COL16A1: variants seen among roughly 807,000 people sequenced by gnomAD.
COL16A1 encodes collagen type XVI alpha 1 chain, also known as collagen alpha-1(XVI) chain.
A neutral mutation model predicts 266.3 loss-of-function variants in COL16A1; 189 were observed. The ratio of observed to expected loss-of-function variants is 0.71; its 90% CI spans 0.63 to 0.80. The LOEUF (loss-of-function observed/expected upper bound fraction) is 0.80, where lower values mean the gene tolerates loss of function less well. COL16A1 is among the 30% of genes least tolerant of loss of function. COL16A1 has a pLI of 0.00. For missense variants in COL16A1, 1,928 were observed against 2,122.4 expected (o/e 0.91, Z 1.80); for synonymous variants, 740 against 782.3 (o/e 0.95, Z 0.90).
At position 31,681,692 on chromosome 1, in the gene COL16A1, CT is replaced by C. The variant is rs531131710; in HGVS notation, c.2539-626del. On this transcript the variant is annotated intron_variant, in intron 37 of 70. Coordinates refer to ENST00000373672, the MANE Select transcript of COL16A1 (RefSeq NM_001856.4). ...AGCAGTTTGGGCAACGGCATGGAGT[CT>C]GCTCAGGCCAGGAGAAGCCAGCCTG... 3.8e-4 allele frequency among the ~76,000 whole-genome samples: 58 copies of C among 152,378 alleles called. No individual in the cohort carries two copies. The East Asian group carries it at 0.01, about 27-fold the overall frequency.
At chr1:31,694,288 A>G (rs1644402052) in intron 11 of COL16A1, 118 bp from the exon 12 acceptor site, 2 of 746,226 alleles carry the variant, frequency 2.7e-6, no homozygotes, top group South Asian at 2.3e-5. Context: ...AGCAGCCTGT[A>G]TCCCAGCCCC....
chr1:31,685,519 A>T lies in COL16A1; in HGVS notation c.2016+120T>A. ...TGGAGACAGAGGCTCTGACCCCGCC[A>T]CACCCTCCCCACTACCCCCAACTGC... On this transcript the variant is annotated intron_variant, in intron 29 of 70. Coordinates refer to ENST00000373672, the MANE Select transcript of COL16A1 (RefSeq NM_001856.4). This position sits in a 1 kb window ranked among gnomAD's most constrained non-coding sequence, Gnocchi z 4.0. 1 of 775,408 alleles carries T rather than the reference A, an allele frequency of 1.3e-6. No individual in the cohort carries two copies. The highest frequency in any genetic ancestry group is 2.0e-6 in the Non-Finnish European group (1 of 493,216). The allele number at this position is 775,408 out of a possible 1,614,324, so 48.0% of individuals were successfully genotyped here.
At position 31,657,136 on chromosome 1, in the gene COL16A1, G is replaced by T; in HGVS notation, c.4021-68C>A. 1.9e-6 allele frequency: 3 copies of T among 1,594,084 alleles called. No individual in the cohort carries two copies. The highest frequency in any genetic ancestry group is 1.3e-5 in the African/African-American group (1 of 74,570). Reference sequence around the variant, plus strand: ...AGTTTGGTGTCAGATGCCTCACTTTGTACATGGGGCAAGCCCAGCCCCCTG... The same window carrying T: ...AGTTTGGTGTCAGATGCCTCACTTTTTACATGGGGCAAGCCCAGCCCCCTG... On this transcript the variant is annotated intron_variant, in intron 64 of 70. Coordinates refer to ENST00000373672, the MANE Select transcript of COL16A1 (RefSeq NM_001856.4). The surrounding 1 kb of genome is among the most constrained non-coding windows in gnomAD (Gnocchi z 6.4).
rs1248393769 is a variant in COL16A1, at chr1:31,681,066, C to T, written c.2540G>A (p.Gly847Asp). ...PPGASVSGPP[G>D]RDGQQGQTGL... ...CGTCTGTCCTTGCTGCCCATCACGG[C>T]CCTGAAGAGAGAGAGCCCAGAGTCA... The change falls in exon 38 of 71, where the codon GGC (glycine) becomes GAC (aspartate). Residue 847 changes from glycine to aspartate, a missense_variant and splice_region_variant. Coordinates refer to ENST00000373672, the MANE Select transcript of COL16A1 (RefSeq NM_001856.4). 1 of 1,612,004 alleles carries T rather than the reference C, an allele frequency of 6.2e-7. No individual in the cohort carries two copies.
At position 31,694,133 on chromosome 1, in the gene COL16A1, T is replaced by C. The variant is rs1031167425; in HGVS notation, c.1008+11A>G. ...GAGGACGGGAATGTCCCGTTCTCCA[T>C]TAGGACTCACCTTGGGGCCAGAGGG... On this transcript the variant is annotated intron_variant, in intron 12 of 70. Coordinates refer to ENST00000373672, the MANE Select transcript of COL16A1 (RefSeq NM_001856.4). 1 of 1,600,710 alleles carries C rather than the reference T, an allele frequency of 6.2e-7. No homozygotes were observed. Among genetic ancestry groups the C allele is most frequent in the Admixed American group, 1.7e-5 (1 of 59,290 alleles).
In COL16A1 at chr1:31,671,599, C is replaced by T; in HGVS notation, c.3150+16G>A. Reference sequence around the variant, plus strand: ...TGAGAGCTTCTCAAGCAGACCAGGGCACCACTGATACTTACGATAGGGCCT... The same window carrying T: ...TGAGAGCTTCTCAAGCAGACCAGGGTACCACTGATACTTACGATAGGGCCT... On this transcript the variant is annotated intron_variant, in intron 48 of 70. Transcript: ENST00000373672. 1 of 1,614,014 alleles carries T rather than the reference C, an allele frequency of 6.2e-7. No homozygotes were observed.
At position 31,684,135 on chromosome 1, in the gene COL16A1, C is replaced by T. The variant is rs368210694; in HGVS notation, c.2257G>A (p.Glu753Lys). ...GGTTTACCAGGTCGGCCCACGCCTT[C>T]GGGGCCCTGCTCTCCTTTGGGGCCG... is the stretch of plus-strand genomic sequence containing the variant. Reference protein sequence around the residue: ...QPGPKGEQGPEGVGRPGKPGQ... With the variant: ...QPGPKGEQGPKGVGRPGKPGQ... The change falls in exon 32 of 71, where the codon GAA (glutamate) becomes AAA (lysine). Residue 753 changes from glutamate to lysine, a missense_variant. Physicochemically the swap from Glu to Lys is moderately conservative, Grantham distance 56 (BLOSUM62 1). Coordinates refer to ENST00000373672, the MANE Select transcript of COL16A1 (RefSeq NM_001856.4). 1.0e-5 allele frequency: 16 copies of T among 1,559,894 alleles called. No homozygotes were observed. The East Asian group carries it at 2.4e-4, about 23-fold the overall frequency.
At chr1:31,683,612 G>T in intron 34 of COL16A1, 95 bp downstream of exon 34, 1 of 1,607,652 alleles carries the variant, frequency 6.2e-7, no homozygotes, top group Non-Finnish European at 8.5e-7. Context: ...GCCTCTGGGG[G>T]CAGGCAGAGC....
In COL16A1 at chr1:31,661,056, T is replaced by C; in HGVS notation, c.3825+10A>G. 1.3e-6 allele frequency: 2 copies of C among 1,559,990 alleles called. No homozygotes were observed. Among genetic ancestry groups the C allele is most frequent in the Non-Finnish European group, 1.7e-6 (2 of 1,151,116 alleles). On this transcript the variant is annotated intron_variant, in intron 61 of 70. Coordinates refer to ENST00000373672, the MANE Select transcript of COL16A1 (RefSeq NM_001856.4). ...AACTGAAGGCAGCCATGTGGATCCC[T>C]GGCCCTCACCTCTGCGCCAGGCCGG...
chr1:31,668,977 T>A lies in COL16A1; in HGVS notation c.3196-122A>T. 1.2e-6 allele frequency: 1 copy of A among 805,786 alleles called. No homozygotes were observed. The highest frequency in any genetic ancestry group is 2.0e-6 in the Non-Finnish European group (1 of 511,076). The allele number at this position is 805,786 out of a possible 1,614,324, so 49.9% of individuals were successfully genotyped here. A position where few individuals can be genotyped will look rare whatever the true frequency, so the allele number is the denominator to read the frequency against. On this transcript the variant is annotated intron_variant, in intron 49 of 70. Coordinates refer to ENST00000373672, the MANE Select transcript of COL16A1 (RefSeq NM_001856.4). This position sits in a 1 kb window ranked among gnomAD's most constrained non-coding sequence, Gnocchi z 5.8. ...AGGCAAATATGGAGGCCATAGTGGCTCTCGTAGTGTCCCTAGAAGGTGACC... is the reference window on the plus strand; with the variant it reads ...AGGCAAATATGGAGGCCATAGTGGCACTCGTAGTGTCCCTAGAAGGTGACC...
chr1:31,694,145 T>C lies in COL16A1; in HGVS notation c.1007A>G (p.Lys336Arg). Residue 336 changes from lysine to arginine, a missense_variant and splice_region_variant, in exon 12 of 71, where the codon AAG becomes AGG. Lys to Arg is a conservative substitution (Grantham distance 26, BLOSUM62 2). Transcript: ENST00000373672. ...SNVTLAPSGP[K>R]GGKGERGLPG... is the part of the protein sequence containing the mutation. ...GTCCCGTTCTCCATTAGGACTCACC[T>C]TGGGGCCAGAGGGAGCAAGTGTGAC... The C allele has an allele frequency of 6.3e-7, 1 of 1,599,894 alleles. No individual in the cohort carries two copies. The highest frequency in any genetic ancestry group is 8.5e-7 in the Non-Finnish European group (1 of 1,170,650).
At chr1:31,696,900 T>C (rs1644526225) in intron 8 of COL16A1, 63 bp downstream of exon 8, 18 of 1,605,100 alleles carry the variant, frequency 1.1e-5, no homozygotes, top group Non-Finnish European at 1.5e-5. Flanking sequence ...GTCAGTCAGC[T>C]CAGGGGAGGG....
chr1:31,694,002 A>T (rs1287015646), intron 12 of COL16A1, 142 bp downstream of exon 12: 5 of 703,968 alleles, frequency 7.1e-6, no homozygotes, highest in Non-Finnish European at 1.2e-5. Context: ...TGCTTTCTTT[A>T]CCACGCATAC....
At chr1:31,679,771 G>T (rs1315756839) in intron 41 of COL16A1, 33 bp downstream of exon 41, 1 of 1,587,242 alleles carries the variant, frequency 6.3e-7, no homozygotes, top group Admixed American at 1.7e-5. Flanking sequence ...AAGCCGCGGG[G>T]CGCTGGCGGA....
chr1:31,702,331 G>A, intron 1 of COL16A1, 104 bp from the exon 2 acceptor site: 1 of 1,207,566 alleles, frequency 8.3e-7, no homozygotes, highest in East Asian at 2.6e-5. Flanking sequence ...CACTGGTATT[G>A]GGGTGGCAGG....
Position 31,670,783 on chromosome 1 carries a change from C to G in COL16A1, c.3151-137G>C. 3 of 651,048 alleles carry G rather than the reference C, an allele frequency of 4.6e-6. No homozygotes were observed. Among genetic ancestry groups the G allele is most frequent in the Non-Finnish European group, 6.9e-6 (3 of 431,726 alleles). The allele number at this position is 651,048 out of a possible 1,614,324, so 40.3% of individuals were successfully genotyped here. The stretch of plus-strand genomic sequence containing the variant: ...TTTCAAGGCAGCTGGAAAAGAGACT[C>G]CTTGAAAGTCTTGGCTCAAAAGACA... On this transcript the variant is annotated intron_variant, in intron 48 of 70. Transcript: ENST00000373672. This position sits in a 1 kb window ranked among gnomAD's most constrained non-coding sequence, Gnocchi z 4.5.
At chr1:31,692,369 G>A in intron 16 of COL16A1, 105 bp downstream of exon 16, 1 of 1,484,502 alleles carries the variant, frequency 6.7e-7, no homozygotes, top group Non-Finnish European at 9.0e-7. Flanking sequence ...CCAGCTCTGT[G>A]CCCACTGACA....
chr1:31,658,407 G>C, intron 64 of COL16A1, 81 bp downstream of exon 64: 1 of 1,193,356 alleles, frequency 8.4e-7, no homozygotes, highest in Non-Finnish European at 1.2e-6. Flanking sequence ...AGAGACCCCA[G>C]ATATGTTGTG....
At chr1:31,676,637 G>A (rs1192490872) in intron 42 of COL16A1, among the ~76,000 whole-genome samples, 1 of 152,180 alleles carries the variant, frequency 6.6e-6, no homozygotes, top group East Asian at 1.9e-4. Flanking sequence ...TTATGGTGAG[G>A]CTTCAAGGAG....
Sources: allele counts gnomAD v4.1 joint callset (sites outside exome capture counted in the v4.1 genomes callset), GRCh38; gene constraint gnomAD v4.1.1; non-coding constraint Gnocchi (gnomAD v3.1); transcripts MANE v1.5; gene names NCBI Gene and HGNC (gene_info 2026-07-23, HGNC 2026-07-21).